The following EIF5 variants were observed in gnomAD, a reference collection of about 807,000 sequenced individuals.
The protein encoded by EIF5 is eukaryotic translation initiation factor 5.
Under a neutral mutation model 48.3 loss-of-function variants are expected in EIF5, and 10 were observed. The observed-to-expected ratio is 0.21, with a 90% confidence interval of 0.13 to 0.35. The LOEUF (loss-of-function observed/expected upper bound fraction) is 0.35, where lower values mean the gene tolerates loss of function less well. EIF5 is among the 10% of genes least tolerant of loss of function. The pLI is 1.00. For synonymous variants in EIF5, 237 were observed against 173.1 expected (o/e 1.37, Z -2.90); for missense variants, 397 against 533.2 (o/e 0.74, Z 2.51).
In EIF5 at chr14:103,338,870, A is replaced by G. The variant is rs762337983; in HGVS notation, c.721A>G (p.Asn241Asp). ...GGAAAGAACAATTGAGGAGAGGGTC[A>G]ATATCCTCTTTGATTTTGTTAAGGT... ...DLERTIEERV[N>D]ILFDFVKKKK... The change falls in exon 8 of 12, where the codon AAT (asparagine) becomes GAT (aspartate). Residue 241 changes from asparagine (N) to aspartate (D), a missense_variant. By Grantham distance (23) the Asn-to-Asp change is conservative. Coordinates refer to ENST00000216554, the MANE Select transcript of EIF5 (RefSeq NM_001969.5). 3 of 1,613,808 alleles carry G rather than the reference A, an allele frequency of 1.9e-6. No individual in the cohort carries two copies. The highest frequency in any genetic ancestry group is 2.5e-6 in the Non-Finnish European group (3 of 1,179,942).
At chr14:103,337,529 G>A (rs1215686330) in intron 6 of EIF5, 2 of 379,372 alleles carry the variant, frequency 5.3e-6, no homozygotes, top group Non-Finnish European at 4.8e-6. Context: ...TTGAACCTTG[G>A]AGGCAGAGGT....
rs912891413 is a variant in EIF5 at position 103,344,085 on chromosome 14, T to G, written c.*3033T>G. The stretch of plus-strand genomic sequence containing the variant: ...GACCCCAAGGGGACAGGGAGTCACT[T>G]TGGTCATCTCTGTCCCCAGTACAGA... On this transcript the variant is annotated 3_prime_UTR_variant, in exon 12 of 12. Coordinates refer to ENST00000216554, the MANE Select transcript of EIF5 (RefSeq NM_001969.5). 2 of 152,178 alleles carry G rather than the reference T, an allele frequency of 1.3e-5. No individual in the cohort carries two copies. Among genetic ancestry groups the G allele is most frequent in the Non-Finnish European group, 2.9e-5 (2 of 68,036 alleles). The allele number at this position is 152,178 out of a possible 1,614,324, so 9.4% of individuals were successfully genotyped here.
intron 8 of EIF5, 67 bp from the exon 9 acceptor site, chr14:103,339,103 ACT>A (rs2089323429): frequency 5.8e-6 from 9 of 1,541,772 alleles, no homozygotes; most frequent in Non-Finnish European, 7.9e-6. Flanking sequence ...CAGAGCAGGG[ACT>A]GGCTGGTGTC....
intron 6 of EIF5, 185 bp downstream of exon 6, chr14:103,337,412 C>CT (rs1166297051): frequency 3.5e-6 from 2 of 564,990 alleles, no homozygotes; most frequent in Non-Finnish European, 6.2e-6. Context: ...CAAGACCAGC[C>CT]TGGCCAACAT....
intron 6 of EIF5, chr14:103,337,618 CT>C (rs2089302863): frequency 3.1e-6 from 1 of 319,530 alleles, no homozygotes; most frequent in Non-Finnish European, 6.0e-6. Flanking sequence ...TATAAGGAAC[CT>C]TTTAGTCCTT....
chr14:103,336,006 C>T (rs756362946), intron 3 of EIF5, 30 bp from the exon 4 acceptor site: 2 of 1,613,846 alleles, frequency 1.2e-6, no homozygotes, highest in Non-Finnish European at 1.7e-6. Context: ...TCAGGGGAAA[C>T]TGCACAACTA....
chr14:103,340,230 A>G (rs2089337284), intron 10 of EIF5, among the ~76,000 whole-genome samples, 197 bp from the exon 11 acceptor site: 1 of 152,198 alleles, frequency 6.6e-6, no homozygotes. Context: ...CCTGTGCTGT[A>G]GATTGTGATT....
chr14:103,342,327 C>T lies in EIF5; in HGVS notation c.*1275C>T, dbSNP rs764629799. On this transcript the variant is annotated 3_prime_UTR_variant, in exon 12 of 12. Transcript: ENST00000216554. ...AGGACCTGACAGAGCCCATGCAGGG[C>T]TTTAGATTTGGACACACAAGAGTTG... The T allele has an allele frequency of 3.3e-5, 5 of 152,176 alleles. No homozygotes were observed. Among genetic ancestry groups the T allele is most frequent in the Non-Finnish European group, 7.3e-5 (5 of 68,042 alleles). The allele number at this position is 152,176 out of a possible 1,614,324, so 9.4% of individuals were successfully genotyped here. A position where few individuals can be genotyped will look rare whatever the true frequency, so the allele number is the denominator to read the frequency against.
chr14:103,337,381 C>A, intron 6 of EIF5, 154 bp downstream of exon 6: 2 of 629,674 alleles, frequency 3.2e-6, no homozygotes, highest in Non-Finnish European at 2.7e-6. Flanking sequence ...AGGGCGGGCA[C>A]ATCACTTGAG....
chr14:103,340,146 C>T (rs1268025083), intron 10 of EIF5, among the ~76,000 whole-genome samples: 1 of 152,148 alleles, frequency 6.6e-6, no homozygotes, highest in Admixed American at 6.5e-5. Flanking sequence ...CTCCTGCGCC[C>T]AGCCGTTCAC....
intron 10 of EIF5, among the ~76,000 whole-genome samples, chr14:103,340,045 T>G (rs181412995): frequency 6.6e-6 from 1 of 152,202 alleles, no homozygotes; most frequent in African/African-American, 2.4e-5. Flanking sequence ...TTTTAGTAGA[T>G]GGGGTTTTAC....
chr14:103,338,589 G>A, intron 7 of EIF5, 117 bp downstream of exon 7: 1 of 1,492,794 alleles, frequency 6.7e-7, no homozygotes, highest in South Asian at 1.4e-5. Flanking sequence ...CTAATATTGT[G>A]GATTCCAAGT....
rs183400276 is a variant in EIF5 at position 103,344,008 on chromosome 14, G to C, written c.*2956G>C. On this transcript the variant is annotated 3_prime_UTR_variant, in exon 12 of 12. Transcript: ENST00000216554. Reference sequence around the variant, plus strand: ...AGCCTCCCTGACTACTACAAAGCCAGAGCAGTCTTAGTACCAGAAACAGTG... The same window carrying C: ...AGCCTCCCTGACTACTACAAAGCCACAGCAGTCTTAGTACCAGAAACAGTG... 6.6e-6 allele frequency: 1 copy of C among 152,182 alleles called. No homozygotes were observed. Among genetic ancestry groups the C allele is most frequent in the Non-Finnish European group, 1.5e-5 (1 of 68,048 alleles). 9.4% of individuals were successfully genotyped at this position (152,182 alleles called of 1,614,324 possible). A position where few individuals can be genotyped will look rare whatever the true frequency, so the allele number is the denominator to read the frequency against.
Position 103,338,538 on chromosome 14 carries a change from G to C in EIF5, c.585+66G>C, listed in dbSNP as rs1245931148. On this transcript the variant is annotated intron_variant, in intron 7 of 11. Transcript: ENST00000216554. ...GTAAAGTATATGGCATTTGGTTGAG[G>C]TGGGTGGAAATGTTGAAACTAGCCT... The C allele has an allele frequency of 2.0e-6, 3 of 1,517,722 alleles. No homozygotes were observed. The African/African-American group carries it at 4.2e-5, about 21-fold the overall frequency. 94.0% of individuals were successfully genotyped at this position (1,517,722 alleles called of 1,614,324 possible). A position where few individuals can be genotyped will look rare whatever the true frequency, so the allele number is the denominator to read the frequency against.
Position 103,344,590 on chromosome 14 carries a change from A to G in EIF5, c.*3538A>G, listed in dbSNP as rs1283243892. On this transcript the variant is annotated 3_prime_UTR_variant, in exon 12 of 12. Transcript: ENST00000216554. The stretch of plus-strand genomic sequence containing the variant: ...TGGAGACCCTTATGTGCAGCACTCA[A>G]TCCCACTGGAAGCCTAATGCTGCAG... 11 of 152,222 alleles carry G rather than the reference A, an allele frequency of 7.2e-5. No homozygotes were observed. The highest frequency in any genetic ancestry group is 1.6e-4 in the Non-Finnish European group (11 of 68,064). The allele number at this position is 152,222 out of a possible 1,614,324, so 9.4% of individuals were successfully genotyped here.
At chr14:103,336,309 C>A in intron 4 of EIF5, 192 bp downstream of exon 4, 1 of 660,088 alleles carries the variant, frequency 1.5e-6, no homozygotes, top group Non-Finnish European at 2.6e-6. Flanking sequence ...TGGCTGGGCG[C>A]GTTGGCTCAC....
At position 103,340,568 on chromosome 14, in the gene EIF5, A is replaced by G. The variant is rs2089341512; in HGVS notation, c.1206+7A>G. 2 of 1,607,458 alleles carry G rather than the reference A, an allele frequency of 1.2e-6. No homozygotes were observed. Among genetic ancestry groups the G allele is most frequent in the Non-Finnish European group, 1.7e-6 (2 of 1,174,328 alleles). On this transcript the variant is annotated splice_region_variant and intron_variant, in intron 11 of 11. Coordinates refer to ENST00000216554, the MANE Select transcript of EIF5 (RefSeq NM_001969.5). ...TGAAGATGAGAACATTGAGGTAAACATTGGGGGAGGAGGGTATTGGATACA... is the reference window on the plus strand; with the variant it reads ...TGAAGATGAGAACATTGAGGTAAACGTTGGGGGAGGAGGGTATTGGATACA...
At position 103,341,180 on chromosome 14, in the gene EIF5, CTA is replaced by C. The variant is rs1595365933; in HGVS notation, c.*130_*131del. On this transcript the variant is annotated 3_prime_UTR_variant, in exon 12 of 12. Coordinates refer to ENST00000216554, the MANE Select transcript of EIF5 (RefSeq NM_001969.5). ...TCATGCTACACTTTACACTAAAAAT[CTA>C]TTACTGTGAGTGGTCTGTTATTAAG... 1.1e-4 allele frequency: 87 copies of C among 782,998 alleles called. 1 individual carries two copies. The East Asian group carries it at 2.3e-3, about 21-fold the overall frequency. The allele number at this position is 782,998 out of a possible 1,614,324, so 48.5% of individuals were successfully genotyped here. A position where few individuals can be genotyped will look rare whatever the true frequency, so the allele number is the denominator to read the frequency against.
chr14:103,334,604 C>T lies in EIF5; in HGVS notation c.-209+7C>T, dbSNP rs1252328181. On this transcript the variant is annotated splice_region_variant and intron_variant, in intron 2 of 11. Coordinates refer to ENST00000216554, the MANE Select transcript of EIF5 (RefSeq NM_001969.5). Reference sequence around the variant, plus strand: ...TCTTTATTTGACGAAAACGGTGAGTCGCGGGCGCGGCGGGCCAGGAGATGG... The same window carrying T: ...TCTTTATTTGACGAAAACGGTGAGTTGCGGGCGCGGCGGGCCAGGAGATGG... 1 of 151,692 alleles carries T rather than the reference C, an allele frequency of 6.6e-6. No homozygotes were observed. Among genetic ancestry groups the T allele is most frequent in the Non-Finnish European group, 1.5e-5 (1 of 67,710 alleles). 9.4% of individuals were successfully genotyped at this position (151,692 alleles called of 1,614,324 possible).
Sources: gnomAD v4.1 joint callset for allele counts (sites outside exome capture counted in the v4.1 genomes callset) on GRCh38, gnomAD v4.1.1 for gene constraint, MANE v1.5 for transcripts, NCBI Gene and HGNC (gene_info 2026-07-23, HGNC 2026-07-21) for gene names.